The following FOXP2 variants were observed in gnomAD, a reference collection of about 807,000 sequenced individuals.
FOXP2 encodes the protein forkhead box P2, also known as forkhead box protein P2.
A neutral mutation model predicts 115.8 loss-of-function variants in FOXP2; 12 were observed. That is an observed-to-expected ratio of 0.10 (90% CI 0.07 to 0.17). FOXP2 has a LOEUF of 0.17. Among genes scored for constraint, FOXP2 ranks in the 10% least tolerant of loss-of-function variants. The pLI is 1.00. For missense variants in FOXP2, 629 were observed against 843.5 expected, an observed-to-expected ratio of 0.75 and a Z score of 3.15; for synonymous variants, 328 against 297.7, an observed-to-expected ratio of 1.10 and a Z score of -1.05.
chr7:114,507,799 C>A (rs562758647), intron 2 of FOXP2, among the ~76,000 whole-genome samples: 4 of 152,034 alleles, frequency 2.6e-5, no homozygotes, highest in Admixed American at 6.6e-5. Context: ...TCCATAGATA[C>A]CCCTAACTTT....
intron 2 of FOXP2, among the ~76,000 whole-genome samples, chr7:114,504,865 T>C (rs1256716761): frequency 6.6e-6 from 1 of 151,578 alleles, no homozygotes; most frequent in African/African-American, 2.4e-5. Flanking sequence ...AAAGCATTGG[T>C]ATTAGATTTT....
intron 1 of FOXP2, among the ~76,000 whole-genome samples, chr7:114,196,466 A>G (rs1162959720): frequency 2.0e-5 from 3 of 152,202 alleles, no homozygotes; most frequent in Non-Finnish European, 1.5e-5. Context: ...TTATTAAACT[A>G]TATTGGAGAA....
chr7:114,248,665 T>C (rs1248282477), intron 1 of FOXP2, among the ~76,000 whole-genome samples: 6 of 152,158 alleles, frequency 3.9e-5, no homozygotes, highest in Admixed American at 3.9e-4. Flanking sequence ...ATTTTTTAGT[T>C]TTATCCTTGT....
intron 2 of FOXP2, among the ~76,000 whole-genome samples, chr7:114,529,494 T>C (rs1353770484): frequency 6.6e-6 from 1 of 151,892 alleles, no homozygotes; most frequent in Non-Finnish European, 1.5e-5. Flanking sequence ...TATTATAGTG[T>C]AGTATTATTT....
At chr7:114,090,590 A>G (rs2129138958) in intron 1 of FOXP2, among the ~76,000 whole-genome samples, 1 of 151,994 alleles carries the variant, frequency 6.6e-6, no homozygotes, top group East Asian at 1.9e-4. Flanking sequence ...CTGTAAAGGT[A>G]ATCCCTGTGC....
At chr7:114,682,829 A>G (rs1212235556) in intron 16 of FOXP2, among the ~76,000 whole-genome samples, 1 of 152,146 alleles carries the variant, frequency 6.6e-6, no homozygotes. Flanking sequence ...GAAACCTAAT[A>G]TAAATAGAGA....
chr7:114,644,579 A>T, intron 7 of FOXP2, 106 bp from the exon 8 acceptor site: 3 of 858,234 alleles, frequency 3.5e-6, no homozygotes, highest in Non-Finnish European at 5.9e-6. Context: ...AGCTGAATTG[A>T]CCTGTTTTGA....
At chr7:114,201,770 C>G (rs1386821841) in intron 1 of FOXP2, among the ~76,000 whole-genome samples, 1 of 152,118 alleles carries the variant, frequency 6.6e-6, no homozygotes, top group Non-Finnish European at 1.5e-5. Context: ...GTATCCAGCA[C>G]TAAAATTTTT....
intron 6 of FOXP2, among the ~76,000 whole-genome samples, chr7:114,641,114 G>A (rs907701198): frequency 4.6e-5 from 7 of 152,072 alleles, no homozygotes; most frequent in African/African-American, 1.7e-4. Flanking sequence ...ACTTTACCAC[G>A]TAGAAGCTGT....
At chr7:114,567,582 A>G (rs992226367) in intron 3 of FOXP2, among the ~76,000 whole-genome samples, 3 of 152,098 alleles carry the variant, frequency 2.0e-5, no homozygotes, top group Non-Finnish European at 4.4e-5. Flanking sequence ...TTTCACTCTT[A>G]AAAGATTCTT....
rs563614081 is a variant in FOXP2, at chr7:114,208,675, T to A, written c.-102+45587T>A. 2.6e-5 allele frequency among the ~76,000 whole-genome samples: 4 copies of A among 152,056 alleles called. No homozygotes were observed. In the South Asian group the frequency reaches 8.3e-4, roughly 32 times the overall value. ...GTGGGAGGGACCTGGTGGGAGGTAA[T>A]TGAATCATGGGGTCAGTCTTCCCCA... On this transcript the variant is annotated intron_variant, in intron 1 of 17. Transcript: ENST00000634411.
intron 16 of FOXP2, among the ~76,000 whole-genome samples, chr7:114,682,296 A>G (rs575953473): frequency 6.6e-6 from 1 of 152,288 alleles, no homozygotes; most frequent in African/African-American, 2.4e-5. Context: ...AGGTGCCTAA[A>G]CTATTCAGTA....
chr7:114,167,211 C>A (rs1359075231), intron 1 of FOXP2, among the ~76,000 whole-genome samples: 1 of 152,122 alleles, frequency 6.6e-6, no homozygotes, highest in Non-Finnish European at 1.5e-5. Context: ...AATGGATAAA[C>A]AAACTGTGAT....
chr7:114,364,697 G>C (rs1389852587), intron 2 of FOXP2, among the ~76,000 whole-genome samples: 1 of 151,968 alleles, frequency 6.6e-6, no homozygotes, highest in African/African-American at 2.4e-5. Context: ...TTCCATAAAC[G>C]GTATGGATTT....
intron 2 of FOXP2, among the ~76,000 whole-genome samples, chr7:114,293,766 G>A (rs1166067658): frequency 6.6e-6 from 1 of 152,118 alleles, no homozygotes; most frequent in African/African-American, 2.4e-5. Context: ...TGCCACTATT[G>A]TAAGTTTCCT....
chr7:114,087,648 C>G (rs972331822), upstream of FOXP2: 2 of 147,092 alleles, frequency 1.4e-5, no homozygotes, highest in African/African-American at 4.9e-5. Flanking sequence ...GCCGGCGGCG[C>G]GGGCGGGACC....
At chr7:114,607,643 C>T (rs992528698) in intron 3 of FOXP2, among the ~76,000 whole-genome samples, 23 of 151,942 alleles carry the variant, frequency 1.5e-4, no homozygotes, top group Non-Finnish European at 2.1e-4. Context: ...TCCCACAATC[C>T]AAAGAAAATG....
chr7:114,217,635 C>A (rs1311880736), intron 1 of FOXP2, among the ~76,000 whole-genome samples: 1 of 152,170 alleles, frequency 6.6e-6, no homozygotes, highest in East Asian at 1.9e-4. Flanking sequence ...GCCAAACAAT[C>A]TGGTGTAACT....
In FOXP2 at chr7:114,664,283, C is replaced by A. The variant is rs915879314; in HGVS notation, c.1850C>A (p.Ala617Glu). Reference sequence around the variant, plus strand: ...TCTTCATTTCACTAGGCTGCCTTGGCAGAGAGCAGTTTACCTTTGCTAAGT... The same window carrying A: ...TCTTCATTTCACTAGGCTGCCTTGGAAGAGAGCAGTTTACCTTTGCTAAGT... ...ALNASLQAAL[A>E]ESSLPLLSNP... Residue 617 changes from alanine to glutamate, a missense_variant, in exon 16 of 17, where the codon GCA becomes GAA. Ala to Glu is a moderately radical substitution (Grantham distance 107). Coordinates refer to ENST00000350908, the MANE Select transcript of FOXP2 (RefSeq NM_014491.4). The A allele has an allele frequency of 6.2e-7, 1 of 1,612,982 alleles. No homozygotes were observed. The highest frequency in any genetic ancestry group is 8.5e-7 in the Non-Finnish European group (1 of 1,179,610).
Sources: gnomAD v4.1 joint callset for allele counts (sites outside exome capture counted in the v4.1 genomes callset) on GRCh38, gnomAD v4.1.1 for gene constraint, MANE v1.5 for transcripts, NCBI Gene and HGNC (gene_info 2026-07-23, HGNC 2026-07-21) for gene names.